ADAMTSL1: variants seen among roughly 807,000 people sequenced by gnomAD.
ADAMTSL1 encodes ADAMTS-like protein 1.
ADAMTSL1 carries 126 observed loss-of-function variants against 201.8 expected under a neutral mutation model. The ratio of observed to expected loss-of-function variants is 0.62; its 90% CI spans 0.54 to 0.72. ADAMTSL1 has a LOEUF of 0.72. Ranked by LOEUF, ADAMTSL1 falls within the 30% of genes least tolerant of loss-of-function variation. The pLI is 0.00. For missense variants in ADAMTSL1, 2,679 were observed against 2,277.8 expected, an observed-to-expected ratio of 1.18 and a Z score of -3.59; for synonymous variants, 1,121 against 903.4, an observed-to-expected ratio of 1.24 and a Z score of -4.32.
intron 20 of ADAMTSL1, among the ~76,000 whole-genome samples, chr9:18,810,199 C>T (rs1166182342): frequency 6.6e-6 from 1 of 152,158 alleles, no homozygotes; most frequent in African/African-American, 2.4e-5. Context: ...TCAGATGATA[C>T]ATAATCTCAA....
chr9:18,191,580 A>G (rs1587275030), intron 2 of ADAMTSL1, among the ~76,000 whole-genome samples: 1 of 152,170 alleles, frequency 6.6e-6, no homozygotes, highest in Non-Finnish European at 1.5e-5. Flanking sequence ...CCTGAACCCA[A>G]GAAGGTTCCT....
At chr9:18,172,354 A>G (rs1827938167) in intron 2 of ADAMTSL1, among the ~76,000 whole-genome samples, 1 of 152,098 alleles carries the variant, frequency 6.6e-6, no homozygotes, top group South Asian at 2.1e-4. Context: ...AGAAGGACAC[A>G]TGGATGGCTA....
At chr9:18,651,579 G>A (rs1378473488) in intron 7 of ADAMTSL1, 1 of 152,140 alleles carries the variant, frequency 6.6e-6, no homozygotes, top group Non-Finnish European at 1.5e-5. Context: ...GATAACAAGA[G>A]AACACTTATT....
chr9:17,911,605 A>C lies in ADAMTSL1; in HGVS notation c.87+4683A>C, dbSNP rs1825901763. Among the ~76,000 whole-genome samples the C allele has an allele frequency of 2.9e-5, 2 of 69,096 alleles. 1 individual carries two copies. The allele number at this position is 69,096 out of a possible 152,430, so 45.3% of individuals were successfully genotyped here. A position where few individuals can be genotyped will look rare whatever the true frequency, so the allele number is the denominator to read the frequency against. On this transcript the variant is annotated intron_variant, in intron 1 of 29. Transcript: ENST00000680146. ...TATCCTTGTTAGGAATTCAGTAATA[A>C]AATAAATACTTCCTGGTTGGCTGGA...
At chr9:18,312,908 C>G (rs1180357577) in intron 2 of ADAMTSL1, among the ~76,000 whole-genome samples, 1 of 152,190 alleles carries the variant, frequency 6.6e-6, no homozygotes, top group Non-Finnish European at 1.5e-5. Flanking sequence ...AACGCATGCA[C>G]TTCTGTTCTT....
intron 4 of ADAMTSL1, among the ~76,000 whole-genome samples, chr9:18,585,511 A>T (rs2132440099): frequency 6.6e-6 from 1 of 152,296 alleles, no homozygotes; most frequent in Admixed American, 6.5e-5. Flanking sequence ...ATAAATGAGG[A>T]AATTGAGGCT....
intron 1 of ADAMTSL1, among the ~76,000 whole-genome samples, chr9:18,496,873 C>T (rs1437246797): frequency 6.6e-6 from 1 of 152,148 alleles, no homozygotes; most frequent in African/African-American, 2.4e-5. Flanking sequence ...TTGGACGGAC[C>T]TCTGGTTAGA....
At chr9:18,078,308 C>T (rs963092276) in intron 1 of ADAMTSL1, among the ~76,000 whole-genome samples, 4 of 152,162 alleles carry the variant, frequency 2.6e-5, no homozygotes, top group African/African-American at 4.8e-5. Context: ...TGGGCTGTCC[C>T]TACGCCTCCT....
intron 1 of ADAMTSL1, among the ~76,000 whole-genome samples, chr9:18,072,437 T>C (rs1823011699): frequency 6.6e-6 from 1 of 152,184 alleles, no homozygotes; most frequent in South Asian, 2.1e-4. Flanking sequence ...TCTGAACTTA[T>C]ATTTGAGAAG....
chr9:18,041,658 T>C (rs1821430376), intron 1 of ADAMTSL1, among the ~76,000 whole-genome samples: 1 of 152,148 alleles, frequency 6.6e-6, no homozygotes, highest in Admixed American at 6.5e-5. Context: ...TAATTTGTGG[T>C]GTGTGTATAT....
Position 18,622,332 on chromosome 9 carries a change from C to T in ADAMTSL1, c.564C>T (p.Val188=). The change falls in exon 5 of 29, where the codon GTC becomes GTT. Residue 188 remains valine, a synonymous_variant. Coordinates refer to ENST00000380548, the MANE Select transcript of ADAMTSL1 (RefSeq NM_001040272.6). ...CNGDGSTCRL[V]RGQYKSQLSA... is the part of the protein sequence containing the mutation. ...GAGATGGGTCCACCTGCCGGCTGGT[C>T]CGAGGGCAGTATAAATCCCAGCTCT... 7.4e-6 allele frequency: 12 copies of T among 1,614,050 alleles called. No homozygotes were observed. Among genetic ancestry groups the T allele is most frequent in the Non-Finnish European group, 1.0e-5 (12 of 1,179,964 alleles).
At chr9:18,073,978 AT>A (rs11353443) in intron 1 of ADAMTSL1, among the ~76,000 whole-genome samples, 91,109 of 150,656 alleles carry the variant, frequency 0.6, 27,557 homozygotes, top group African/African-American at 0.65. Flanking sequence ...TGTAAAACTG[AT>A]TTTTTTTTTT....
At chr9:18,581,481 T>A (rs545811467) in intron 4 of ADAMTSL1, among the ~76,000 whole-genome samples, 1 of 152,296 alleles carries the variant, frequency 6.6e-6, no homozygotes, top group African/African-American at 2.4e-5. Flanking sequence ...ATTCACCTGA[T>A]CCCAATATCC....
chr9:18,138,669 C>A (rs1280869215), intron 1 of ADAMTSL1, among the ~76,000 whole-genome samples: 2 of 152,054 alleles, frequency 1.3e-5, no homozygotes, highest in African/African-American at 4.8e-5. Flanking sequence ...ACTATAGAGA[C>A]ACAGTAAGCG....
chr9:18,024,663 C>A (rs1200022207), intron 1 of ADAMTSL1, among the ~76,000 whole-genome samples: 1 of 152,032 alleles, frequency 6.6e-6, no homozygotes, highest in Non-Finnish European at 1.5e-5. Context: ...GTCTAGTCTA[C>A]CATTGATGGA....
At chr9:18,220,538 C>T (rs1281903573) in intron 2 of ADAMTSL1, among the ~76,000 whole-genome samples, 2 of 151,950 alleles carry the variant, frequency 1.3e-5, no homozygotes, top group African/African-American at 4.8e-5. Flanking sequence ...ATTGGATTTT[C>T]ACTCTTGTTT....
chr9:18,764,603 G>C (rs1588066531), intron 16 of ADAMTSL1, among the ~76,000 whole-genome samples: 1 of 152,210 alleles, frequency 6.6e-6, no homozygotes, highest in South Asian at 2.1e-4. Context: ...CTCATGGACT[G>C]AATGACATGA....
At chr9:18,334,816 G>C (rs1835162504) in intron 2 of ADAMTSL1, among the ~76,000 whole-genome samples, 1 of 152,046 alleles carries the variant, frequency 6.6e-6, no homozygotes, top group Admixed American at 6.6e-5. Flanking sequence ...AAAAAAGGAA[G>C]GATTCTAATT....
intron 1 of ADAMTSL1, among the ~76,000 whole-genome samples, chr9:17,918,900 T>C (rs1168068810): frequency 6.6e-6 from 1 of 152,064 alleles, no homozygotes; most frequent in South Asian, 2.1e-4. Flanking sequence ...CCTTGGTGAG[T>C]TGACCCTTTA....
Sources: gnomAD v4.1 joint callset for allele counts (sites outside exome capture counted in the v4.1 genomes callset) on GRCh38, gnomAD v4.1.1 for gene constraint, MANE v1.5 for transcripts, NCBI Gene and HGNC (gene_info 2026-07-23, HGNC 2026-07-21) for gene names.